EXOC4: variants seen among roughly 807,000 people sequenced by gnomAD.
The protein encoded by EXOC4 is exocyst complex component 4, also known as SEC8-like 1.
In EXOC4, 71 loss-of-function variants were observed where a neutral mutation model predicts 107.2. That is an observed-to-expected ratio of 0.66 (90% confidence interval 0.55 to 0.81). EXOC4 has a LOEUF of 0.81. EXOC4 is among the 30% of genes least tolerant of loss of function. EXOC4 has a pLI of 0.00. For synonymous variants in EXOC4, 456 were observed against 441.2 expected (o/e 1.03, Z -0.42); for missense variants, 1,108 against 1,189.6 (o/e 0.93, Z 1.01).
chr7:133,833,755 G>A (rs533732846), intron 11 of EXOC4, among the ~76,000 whole-genome samples: 27 of 152,276 alleles, frequency 1.8e-4, no homozygotes, highest in Middle Eastern at 3.4e-3. Context: ...TGTAGAGACA[G>A]GGTTTTGCCA....
intron 10 of EXOC4, among the ~76,000 whole-genome samples, chr7:133,666,796 C>T (rs1793823986): frequency 6.6e-6 from 1 of 152,114 alleles, no homozygotes; most frequent in South Asian, 2.1e-4. Flanking sequence ...GGATTAGGAC[C>T]CAGTAGTATA....
intron 1 of EXOC4, among the ~76,000 whole-genome samples, chr7:133,272,900 G>C (rs1252295285): frequency 6.6e-6 from 1 of 152,142 alleles, no homozygotes; most frequent in Non-Finnish European, 1.5e-5. Context: ...CTCTGGGCCT[G>C]ACATTTTCCT....
At chr7:133,445,777 G>A (rs1377996469) in intron 7 of EXOC4, among the ~76,000 whole-genome samples, 4 of 151,970 alleles carry the variant, frequency 2.6e-5, no homozygotes, top group Non-Finnish European at 1.5e-5. Flanking sequence ...TTTGGAAGGC[G>A]GAGGTGGGAG....
chr7:133,722,518 A>G (rs185812461), intron 10 of EXOC4, among the ~76,000 whole-genome samples: 21 of 152,286 alleles, frequency 1.4e-4, no homozygotes, highest in Admixed American at 1.0e-3. Context: ...TGGCAATTGC[A>G]TGTCTCTATC....
chr7:133,558,210 T>TCTTTTCTTTTCTTTTTTTTC (rs1563107422), intron 9 of EXOC4, among the ~76,000 whole-genome samples: 4 of 137,142 alleles, frequency 2.9e-5, no homozygotes, highest in African/African-American at 1.3e-4. Flanking sequence ...TCTTTTCTTT[T>TCTTTTCTTTTCTTTTTTTTC]CTTTTCTTTT....
intron 10 of EXOC4, among the ~76,000 whole-genome samples, chr7:133,725,366 A>G (rs1481380395): frequency 1.3e-5 from 2 of 151,962 alleles, no homozygotes; most frequent in African/African-American, 2.4e-5. Flanking sequence ...TAGGGTTTAC[A>G]TTTCCTTTTT....
At chr7:133,743,042 G>A (rs1562979068) in intron 10 of EXOC4, among the ~76,000 whole-genome samples, 1 of 152,122 alleles carries the variant, frequency 6.6e-6, no homozygotes, top group East Asian at 1.9e-4. Context: ...CTGTACATGT[G>A]TGCTTCTGAA....
chr7:133,377,990 C>G lies in EXOC4; in HGVS notation c.1182+2988C>G, dbSNP rs144547024. Among the ~76,000 whole-genome samples, 963 of 151,886 alleles carry G rather than the reference C, an allele frequency of 6.3e-3. 11 individuals carry two copies. The highest frequency in any genetic ancestry group is 0.022 in the African/African-American group (917 of 41,532). ...CTAAAACTTAAAGAATTTGTCACCA[C>G]TAGACTTTCACTTAAAGAAATGTTA... On this transcript the variant is annotated intron_variant, in intron 7 of 17. Coordinates refer to ENST00000253861, the MANE Select transcript of EXOC4 (RefSeq NM_021807.4).
chr7:133,487,954 C>T (rs1474131519), intron 9 of EXOC4, among the ~76,000 whole-genome samples: 1 of 152,058 alleles, frequency 6.6e-6, no homozygotes, highest in Admixed American at 6.6e-5. Flanking sequence ...TATAATACCA[C>T]TCATTATGAG....
intron 10 of EXOC4, among the ~76,000 whole-genome samples, chr7:133,807,124 G>A (rs189785493): frequency 5.3e-5 from 8 of 152,256 alleles, no homozygotes; most frequent in East Asian, 3.9e-4. Flanking sequence ...GCTGACTGCC[G>A]GACTGGAGTG....
intron 4 of EXOC4, among the ~76,000 whole-genome samples, chr7:133,307,700 T>C (rs1463372879): frequency 1.3e-5 from 2 of 152,220 alleles, no homozygotes; most frequent in Admixed American, 1.3e-4. Flanking sequence ...TGTTGGGGCC[T>C]TGGCTTTTGC....
chr7:133,983,618 C>T (rs1255975134), intron 14 of EXOC4, among the ~76,000 whole-genome samples: 8 of 151,766 alleles, frequency 5.3e-5, no homozygotes, highest in Non-Finnish European at 1.2e-4. Context: ...TATACTTAAG[C>T]TAGAAGGATC....
intron 7 of EXOC4, among the ~76,000 whole-genome samples, chr7:133,437,963 C>T (rs1266712202): frequency 6.6e-6 from 1 of 152,114 alleles, no homozygotes; most frequent in African/African-American, 2.4e-5. Context: ...GTCTTTGTCC[C>T]GCTTTTTGGT....
At chr7:133,860,207 C>G (rs764792070) in intron 11 of EXOC4, among the ~76,000 whole-genome samples, 1 of 152,154 alleles carries the variant, frequency 6.6e-6, no homozygotes, top group Non-Finnish European at 1.5e-5. Context: ...GAGCCCAATT[C>G]TAAGCTGTTA....
At chr7:134,077,401 T>C in the EXOC4 span, among the ~76,000 whole-genome samples, 2 of 152,324 alleles carry the variant, frequency 1.3e-5, no homozygotes, top group South Asian at 4.1e-4. Context: ...TGCTAAGCCC[T>C]TCCAGAAACA....
chr7:133,938,274 T>C (rs1045200864), intron 14 of EXOC4, among the ~76,000 whole-genome samples: 1 of 152,204 alleles, frequency 6.6e-6, no homozygotes, highest in African/African-American at 2.4e-5. Flanking sequence ...CTGTGTGGAA[T>C]GTGGGAATCC....
the EXOC4 span, among the ~76,000 whole-genome samples, chr7:134,071,840 C>T: frequency 6.6e-6 from 1 of 152,132 alleles, no homozygotes; most frequent in Non-Finnish European, 1.5e-5. Context: ...CTATTTTGAG[C>T]CAAACCCCCT....
chr7:133,842,852 G>A (rs1461418313), intron 11 of EXOC4, among the ~76,000 whole-genome samples: 1 of 152,138 alleles, frequency 6.6e-6, no homozygotes. Flanking sequence ...TCAATCTAAT[G>A]CACATGGCTA....
At chr7:133,691,779 T>C (rs1308751215) in intron 10 of EXOC4, among the ~76,000 whole-genome samples, 5 of 152,168 alleles carry the variant, frequency 3.3e-5, no homozygotes, top group African/African-American at 1.2e-4. Flanking sequence ...CCTGGGGAGA[T>C]GTATTCAAGT....
Sources: gnomAD v4.1 joint callset for allele counts (sites outside exome capture counted in the v4.1 genomes callset) on GRCh38, gnomAD v4.1.1 for gene constraint, MANE v1.5 for transcripts, NCBI Gene and HGNC (gene_info 2026-07-23, HGNC 2026-07-21) for gene names.